KAT2A: variants seen among roughly 807,000 people sequenced by gnomAD.
KAT2A encodes the protein lysine acetyltransferase 2A.
KAT2A carries 42 observed loss-of-function variants against 95.2 expected under a neutral mutation model. The ratio of observed to expected loss-of-function variants is 0.44; its 90% CI spans 0.34 to 0.57. The LOEUF (loss-of-function observed/expected upper bound fraction) is 0.57. Among genes scored for constraint, KAT2A ranks in the 20% least tolerant of loss-of-function variants. The probability of loss-of-function intolerance (pLI) is 0.01; values close to 1 mark genes in which losing one functional copy is unlikely to be tolerated. For missense variants in KAT2A, 784 were observed against 1,126.3 expected (o/e 0.70, Z 4.35); for synonymous variants, 449 against 448.2 (o/e 1.00, Z -0.02).
At position 42,119,050 on chromosome 17, in the gene KAT2A, G is replaced by A. The variant is rs1568012298; in HGVS notation, c.1073+195C>T. On this transcript the variant is annotated intron_variant, in intron 6 of 17. Transcript: ENST00000225916. The surrounding 1 kb of genome is among the most constrained non-coding windows in gnomAD (Gnocchi z 5.3). ...TGGGGGCAGCGTTAGCTTGGGCTAT[G>A]TACCTGCCATCCCCAGACTAGTACT... 4.2e-6 allele frequency: 6 copies of A among 1,430,556 alleles called. No individual in the cohort carries two copies. The highest frequency in any genetic ancestry group is 5.5e-6 in the Non-Finnish European group (6 of 1,093,856). 88.6% of individuals were successfully genotyped at this position (1,430,556 alleles called of 1,614,324 possible). A position where few individuals can be genotyped will look rare whatever the true frequency, so the allele number is the denominator to read the frequency against.
Position 42,114,898 on chromosome 17 carries a change from C to G in KAT2A, c.2013G>C (p.Gln671His), listed in dbSNP as rs2054232702. 2 of 1,613,920 alleles carry G rather than the reference C, an allele frequency of 1.2e-6. No individual in the cohort carries two copies. The highest frequency in any genetic ancestry group is 1.7e-6 in the Non-Finnish European group (2 of 1,179,974). Residue 671 changes from glutamine (Q) to histidine (H), a missense_variant, in exon 13 of 18, where the codon CAG (glutamine) becomes CAC (histidine). Gln to His is a conservative substitution (Grantham distance 24, BLOSUM62 0). Around this residue, in one of 6 missense-constraint regions of KAT2A, gnomAD observed 195 missense variants for 247.1 expected, o/e 0.79. Transcript: ENST00000225916. This position sits in a 1 kb window ranked among gnomAD's most constrained non-coding sequence, Gnocchi z 6.0. ...YTELSHIIKK[Q>H]KEIIKKLIER... ...GCGCATGTGTGCACACCACCTCTTT[C>G]TGCTTCTTGATGATGTGGGACAGCT... is the stretch of plus-strand genomic sequence containing the variant.
Position 42,121,011 on chromosome 17 carries a change from C to A in KAT2A, c.294G>T (p.Pro98=). 1 of 1,593,862 alleles carries A rather than the reference C, an allele frequency of 6.3e-7. No homozygotes were observed. The highest frequency in any genetic ancestry group is 8.5e-7 in the Non-Finnish European group (1 of 1,171,786). ...SQRKAQVRGL[P]RAKKLEKLGV... is the part of the protein sequence containing the mutation. ...CTAGCTTCTCAAGCTTCTTGGCGCG[C>A]GGCAGCCCCCGGACTTGCGCCTTCC... Residue 98 remains proline, a synonymous_variant, in exon 1 of 18, where the codon CCG becomes CCT. Coordinates refer to ENST00000225916, the MANE Select transcript of KAT2A (RefSeq NM_021078.3).
In KAT2A at chr17:42,117,016, G is replaced by A; in HGVS notation, c.1764+19C>T. On this transcript the variant is annotated intron_variant, in intron 11 of 17. Transcript: ENST00000225916. The surrounding 1 kb of genome is among the most constrained non-coding windows in gnomAD (Gnocchi z 8.9). ...GAGTGGGCCGTGGACTGGGGCTGGG[G>A]CCGGGGAGCCGCGCTCACCTTGACC... is the stretch of plus-strand genomic sequence containing the variant. 1 of 1,612,958 alleles carries A rather than the reference G, an allele frequency of 6.2e-7. No homozygotes were observed. Among genetic ancestry groups the A allele is most frequent in the Non-Finnish European group, 8.5e-7 (1 of 1,179,816 alleles).
In KAT2A at chr17:42,120,222, C is replaced by T; in HGVS notation, c.609+3G>A. On this transcript the variant is annotated splice_donor_region_variant and intron_variant, in intron 3 of 17. Coordinates refer to ENST00000225916, the MANE Select transcript of KAT2A (RefSeq NM_021078.3). ...CTCACACCCTCCTTTAGTGGAAGCTCACCTTGAAGAGGTAGAAATAGACCT... is the reference window on the plus strand; with the variant it reads ...CTCACACCCTCCTTTAGTGGAAGCTTACCTTGAAGAGGTAGAAATAGACCT... 1 of 1,614,188 alleles carries T rather than the reference C, an allele frequency of 6.2e-7. No individual in the cohort carries two copies.
chr17:42,116,764 C>T (rs566424509), intron 11 of KAT2A, among the ~76,000 whole-genome samples: 1 of 152,304 alleles, frequency 6.6e-6, no homozygotes, highest in East Asian at 1.9e-4. Flanking sequence ...AATTAATTCC[C>T]CCATGTATGT....
Position 42,120,484 on chromosome 17 carries a change from A to G in KAT2A, c.464-114T>C. 2.3e-6 allele frequency: 3 copies of G among 1,292,776 alleles called. No homozygotes were observed. The South Asian group carries it at 3.9e-5, about 17-fold the overall frequency. 80.1% of individuals were successfully genotyped at this position (1,292,776 alleles called of 1,614,324 possible). A position where few individuals can be genotyped will look rare whatever the true frequency, so the allele number is the denominator to read the frequency against. Reference sequence around the variant, plus strand: ...CTCTGTTCCTCCAACCAGTGTGACCAACAGTGAGACTGACTGCTCCGATAT... The same window carrying G: ...CTCTGTTCCTCCAACCAGTGTGACCGACAGTGAGACTGACTGCTCCGATAT... On this transcript the variant is annotated intron_variant, in intron 2 of 17. Transcript: ENST00000225916.
Position 42,114,274 on chromosome 17 carries a change from A to G in KAT2A, c.2180T>C (p.Leu727Pro). The part of the protein sequence containing the change: ...KPLGKEKGKE[L>P]KDPDQLYTTL... ...TGTGTAGAGCTGGTCGGGGTCCTTC[A>G]GCTCCTTCCTGGGGCGAGAGACACC... is the stretch of plus-strand genomic sequence containing the variant. Residue 727 changes from leucine to proline, a missense_variant, in exon 16 of 18, where the codon CTG becomes CCG. Coordinates refer to ENST00000225916, the MANE Select transcript of KAT2A (RefSeq NM_021078.3). The surrounding 1 kb of genome is among the most constrained non-coding windows in gnomAD (Gnocchi z 6.0). The G allele has an allele frequency of 1.3e-6, 2 of 1,590,322 alleles. No individual in the cohort carries two copies. Among genetic ancestry groups the G allele is most frequent in the African/African-American group, 2.7e-5 (2 of 72,898 alleles).
In KAT2A at chr17:42,117,997, C is replaced by G; in HGVS notation, c.1201G>C (p.Val401Leu). 1 of 1,603,188 alleles carries G rather than the reference C, an allele frequency of 6.2e-7. No individual in the cohort carries two copies. The highest frequency in any genetic ancestry group is 8.5e-7 in the Non-Finnish European group (1 of 1,173,960). Residue 401 changes from valine to leucine, a missense_variant, in exon 8 of 18, where the codon GTT becomes CTT. Transcript: ENST00000225916. The surrounding 1 kb of genome is among the most constrained non-coding windows in gnomAD (Gnocchi z 8.9). ...PRPASVSAAV[V>L]PSTPIFSPSM... ...GGGCTGAAGATGGGGGTGCTGGGAA[C>G]AACCGCTGCACTGACTGAAGCTGAG... is the stretch of plus-strand genomic sequence containing the variant.
rs2054220353 is a variant in KAT2A, at chr17:42,114,299, C to A, written c.2172-17G>T. ...AGCTCCTTCCTGGGGCGAGAGACACCAAGTCTGAGGCTCCAAGTCCCTCTG... is the reference window on the plus strand; with the variant it reads ...AGCTCCTTCCTGGGGCGAGAGACACAAAGTCTGAGGCTCCAAGTCCCTCTG... On this transcript the variant is annotated splice_polypyrimidine_tract_variant and intron_variant, in intron 15 of 17. Coordinates refer to ENST00000225916, the MANE Select transcript of KAT2A (RefSeq NM_021078.3). This position sits in a 1 kb window ranked among gnomAD's most constrained non-coding sequence, Gnocchi z 6.0. 6.2e-7 allele frequency: 1 copy of A among 1,612,996 alleles called. No homozygotes were observed. Among genetic ancestry groups the A allele is most frequent in the South Asian group, 1.1e-5 (1 of 91,004 alleles).
Position 42,114,799 on chromosome 17 carries a change from G to A in KAT2A, c.2019+93C>T, listed in dbSNP as rs1482499270. The A allele has an allele frequency of 2.2e-6, 3 of 1,362,000 alleles. No homozygotes were observed. The highest frequency in any genetic ancestry group is 2.1e-6 in the Non-Finnish European group (2 of 963,574). The allele number at this position is 1,362,000 out of a possible 1,614,324, so 84.4% of individuals were successfully genotyped here. ...CCCCTCCTCACTCACACACATATAT[G>A]CATGTAGACGTAGAACAGGTCTACA... is the stretch of plus-strand genomic sequence containing the variant. On this transcript the variant is annotated intron_variant, in intron 13 of 17. Transcript: ENST00000225916. This position sits in a 1 kb window ranked among gnomAD's most constrained non-coding sequence, Gnocchi z 6.0.
In KAT2A at chr17:42,117,558, T is replaced by C. The variant is rs1555666251; in HGVS notation, c.1467A>G (p.Thr489=). The C allele has an allele frequency of 3.1e-6, 5 of 1,613,154 alleles. No homozygotes were observed. The African/African-American group carries it at 5.3e-5, about 17-fold the overall frequency. ...LLSANAARDE[T]ARLEERRGII... is the part of the protein sequence containing the mutation. ...TGCCGCGGCGCTCCTCCAGGCGGGCTGTCTCATCCCGGGCCGCATTGGCCG... is the reference window on the plus strand; with the variant it reads ...TGCCGCGGCGCTCCTCCAGGCGGGCCGTCTCATCCCGGGCCGCATTGGCCG... The change falls in exon 10 of 18, where the codon ACA becomes ACG. Residue 489 remains threonine, a synonymous_variant. Transcript: ENST00000225916. This position sits in a 1 kb window ranked among gnomAD's most constrained non-coding sequence, Gnocchi z 8.9.
intron 7 of KAT2A, 25 bp from the exon 8 acceptor site, chr17:42,118,042 G>A (rs1209540513): frequency 1.5e-6 from 2 of 1,374,376 alleles, no homozygotes; most frequent in African/African-American, 1.6e-5. Context: ...AGACGTCAGG[G>A]ATGGGGGGCT....
At chr17:42,120,431 C>T in intron 2 of KAT2A, 61 bp from the exon 3 acceptor site, 1 of 1,562,224 alleles carries the variant, frequency 6.4e-7, no homozygotes. Flanking sequence ...GGCTTCTTGA[C>T]CCTCTTCACA....
chr17:42,114,739 C>T lies in KAT2A; in HGVS notation c.2020-135G>A. 8.5e-7 allele frequency: 1 copy of T among 1,181,454 alleles called. No homozygotes were observed. The highest frequency in any genetic ancestry group is 1.2e-6 in the Non-Finnish European group (1 of 816,760). 73.2% of individuals were successfully genotyped at this position (1,181,454 alleles called of 1,614,324 possible). A position where few individuals can be genotyped will look rare whatever the true frequency, so the allele number is the denominator to read the frequency against. On this transcript the variant is annotated intron_variant, in intron 13 of 17. Coordinates refer to ENST00000225916, the MANE Select transcript of KAT2A (RefSeq NM_021078.3). This position sits in a 1 kb window ranked among gnomAD's most constrained non-coding sequence, Gnocchi z 6.0. Reference sequence around the variant, plus strand: ...CCAGCACCTCCCCTCATAACTTCCCCAAGGGAGCAGAGCAAGAGCCAAGAT... The same window carrying T: ...CCAGCACCTCCCCTCATAACTTCCCTAAGGGAGCAGAGCAAGAGCCAAGAT...
chr17:42,119,077 G>A lies in KAT2A; in HGVS notation c.1073+168C>T, dbSNP rs2054300466. 1 of 1,480,452 alleles carries A rather than the reference G, an allele frequency of 6.8e-7. No individual in the cohort carries two copies. The highest frequency in any genetic ancestry group is 1.4e-5 in the African/African-American group (1 of 70,924). 91.7% of individuals were successfully genotyped at this position (1,480,452 alleles called of 1,614,324 possible). On this transcript the variant is annotated intron_variant, in intron 6 of 17. Transcript: ENST00000225916. This position sits in a 1 kb window ranked among gnomAD's most constrained non-coding sequence, Gnocchi z 5.3. ...ACCTGCCATCCCCAGACTAGTACTA[G>A]CAAGTTGCTTCTGGGCCATGGGCAA...
intron 3 of KAT2A, 37 bp from the exon 4 acceptor site, chr17:42,120,156 G>T: frequency 6.2e-7 from 1 of 1,612,378 alleles, no homozygotes; most frequent in Non-Finnish European, 8.5e-7. Flanking sequence ...AGGGGAGGGG[G>T]GCAGAGCTGC....
chr17:42,113,604 C>A lies in KAT2A; in HGVS notation c.*45G>T, dbSNP rs1555665075. 6.4e-7 allele frequency: 1 copy of A among 1,562,946 alleles called. No homozygotes were observed. Among genetic ancestry groups the A allele is most frequent in the Non-Finnish European group, 8.7e-7 (1 of 1,153,704 alleles). The stretch of plus-strand genomic sequence containing the variant: ...ACCCCCTAAGGATCAGATCAGAATC[C>A]GAGGTGGAGACATTCCAGGTCAGGG... On this transcript the variant is annotated 3_prime_UTR_variant, in exon 18 of 18. Coordinates refer to ENST00000225916, the MANE Select transcript of KAT2A (RefSeq NM_021078.3).
Position 42,117,513 on chromosome 17 carries a change from G to A in KAT2A, c.1512C>T (p.Ile504=), listed in dbSNP as rs372223600. 23 of 1,613,654 alleles carry A rather than the reference G, an allele frequency of 1.4e-5. No homozygotes were observed. The highest frequency in any genetic ancestry group is 2.2e-5 in the East Asian group (1 of 44,886). The part of the protein sequence containing the change: ...ERRGIIEFHV[I]GNSLTPKANR... The stretch of plus-strand genomic sequence containing the variant: ...TGGCCTTGGGCGTCAGTGAGTTGCC[G>A]ATGACATGGAACTCGATGATGCCGC... The change falls in exon 10 of 18, where the codon ATC becomes ATT. Residue 504 remains isoleucine (I), a synonymous_variant. Transcript: ENST00000225916. The surrounding 1 kb of genome is among the most constrained non-coding windows in gnomAD (Gnocchi z 8.9).
chr17:42,118,434 T>C (rs1555666593), intron 6 of KAT2A, 31 bp from the exon 7 acceptor site: 2 of 1,497,950 alleles, frequency 1.3e-6, no homozygotes, highest in South Asian at 2.3e-5. Flanking sequence ...GTCCCACAAC[T>C]CTGTTCTCCA....
Sources: allele counts gnomAD v4.1 joint callset (sites outside exome capture counted in the v4.1 genomes callset), GRCh38; gene constraint gnomAD v4.1.1; regional missense constraint gnomAD v4.1.1; non-coding constraint Gnocchi (gnomAD v3.1); transcripts MANE v1.5; gene names NCBI Gene and HGNC (gene_info 2026-07-23, HGNC 2026-07-21).